The following LARGE1 variants were observed in gnomAD, a reference collection of about 807,000 sequenced individuals.
LARGE1 encodes the protein xylosyl- and glucuronyltransferase LARGE1.
A neutral mutation model predicts 87.6 loss-of-function variants in LARGE1; 43 were observed. The observed-to-expected ratio is 0.49, with a 90% CI of 0.38 to 0.63. The LOEUF is 0.63. Among genes scored for constraint, LARGE1 ranks in the 30% least tolerant of loss-of-function variants. The pLI, the probability that LARGE1 is intolerant of heterozygous loss-of-function variation, is 0.00. For missense variants in LARGE1, 802 were observed against 1,000.2 expected, an observed-to-expected ratio of 0.80 and a Z score of 2.67; for synonymous variants, 434 against 394.6, an observed-to-expected ratio of 1.10 and a Z score of -1.18.
chr22:33,851,173 T>TG (rs2063572884), intron 1 of LARGE1, among the ~76,000 whole-genome samples: 1 of 152,254 alleles, frequency 6.6e-6, no homozygotes, highest in South Asian at 2.1e-4. Flanking sequence ...GAGAGATTAC[T>TG]GACCCTGTTT....
chr22:33,912,479 C>T (rs1313251286), intron 1 of LARGE1, among the ~76,000 whole-genome samples: 2 of 152,152 alleles, frequency 1.3e-5, no homozygotes, highest in African/African-American at 4.8e-5. Context: ...CCTTTCTTCC[C>T]AATTGGCCTT....
At chr22:33,488,091 AAAGGACTTG>A (rs2069666491) in intron 6 of LARGE1, among the ~76,000 whole-genome samples, 1 of 152,206 alleles carries the variant, frequency 6.6e-6, no homozygotes, top group Non-Finnish European at 1.5e-5. Flanking sequence ...GCTGGTGCCC[AAAGGACTTG>A]GTGAAATTTC....
chr22:33,504,581 CT>C lies in LARGE1; in HGVS notation c.787+60266del, dbSNP rs535083744. The stretch of plus-strand genomic sequence containing the variant: ...ATATCTTTTTTAAAAAGGATATTGA[CT>C]AAAAGTTCAGACATTAGAGACTGGC... On this transcript the variant is annotated intron_variant, in intron 6 of 14. Coordinates refer to ENST00000397394, the MANE Select transcript of LARGE1 (RefSeq NM_133642.5). Among the ~76,000 whole-genome samples the C allele has an allele frequency of 1.1e-4, 16 of 152,254 alleles. No individual in the cohort carries two copies. In the East Asian group the frequency reaches 3.1e-3, roughly 29 times the overall value.
intron 7 of LARGE1, among the ~76,000 whole-genome samples, chr22:33,397,733 C>T (rs577128710): frequency 6.6e-6 from 1 of 152,236 alleles, no homozygotes; most frequent in South Asian, 2.1e-4. Flanking sequence ...TGCATGTGCT[C>T]AGGTTAAGTA....
At chr22:33,581,217 G>A (rs1233335197) in intron 5 of LARGE1, among the ~76,000 whole-genome samples, 1 of 152,120 alleles carries the variant, frequency 6.6e-6, no homozygotes, top group Non-Finnish European at 1.5e-5. Flanking sequence ...TGCCCCTTCT[G>A]ACCTTCAGGA....
the LARGE1 span, among the ~76,000 whole-genome samples, chr22:33,082,869 C>T: frequency 6.6e-6 from 1 of 151,822 alleles, no homozygotes; most frequent in Non-Finnish European, 1.5e-5. Context: ...ACTAAAAATA[C>T]AAAAAATTAG....
chr22:33,279,258 A>C (rs541947297), intron 13 of LARGE1, among the ~76,000 whole-genome samples: 1 of 152,164 alleles, frequency 6.6e-6, no homozygotes, highest in Non-Finnish European at 1.5e-5. Flanking sequence ...GAGTATCCAG[A>C]GCTGGAAAGA....
At chr22:33,182,281 T>A (rs1923213663) in intron 11 of LARGE1, among the ~76,000 whole-genome samples, 1 of 152,228 alleles carries the variant, frequency 6.6e-6, no homozygotes, top group African/African-American at 2.4e-5. Context: ...ACAGCATAAG[T>A]GACCAGCTGC....
intron 4 of LARGE1, among the ~76,000 whole-genome samples, chr22:33,617,187 T>C (rs759061847): frequency 1.3e-5 from 2 of 152,220 alleles, no homozygotes; most frequent in Non-Finnish European, 2.9e-5. Context: ...GTGAGAGCTC[T>C]ATTTGTGGCC....
chr22:33,897,351 G>C (rs888826116), intron 1 of LARGE1, among the ~76,000 whole-genome samples: 5 of 152,126 alleles, frequency 3.3e-5, no homozygotes, highest in African/African-American at 4.8e-5. Flanking sequence ...AACTCTCATT[G>C]GTGGTCTACA....
At chr22:33,809,755 T>G (rs2086432988) in intron 1 of LARGE1, among the ~76,000 whole-genome samples, 1 of 152,146 alleles carries the variant, frequency 6.6e-6, no homozygotes, top group Non-Finnish European at 1.5e-5. Context: ...AATGAGATAT[T>G]TTATAGTTTT....
chr22:33,221,285 C>T (rs1925446110), intron 11 of LARGE1, among the ~76,000 whole-genome samples: 3 of 152,112 alleles, frequency 2.0e-5, no homozygotes, highest in Admixed American at 2.0e-4. Flanking sequence ...CAATTACAAA[C>T]ATCGAGGGGA....
At chr22:33,148,344 A>G in the LARGE1 span, among the ~76,000 whole-genome samples, 1 of 152,234 alleles carries the variant, frequency 6.6e-6, no homozygotes, top group African/African-American at 2.4e-5. Flanking sequence ...GTGATCTATT[A>G]CTATTGGATT....
At chr22:33,917,578 G>C (rs191246177) in intron 1 of LARGE1, among the ~76,000 whole-genome samples, 3 of 152,186 alleles carry the variant, frequency 2.0e-5, no homozygotes, top group Non-Finnish European at 2.9e-5. Flanking sequence ...GGAATATGCA[G>C]TCAAAAACCA....
At chr22:33,111,918 G>C in the LARGE1 span, among the ~76,000 whole-genome samples, 1 of 152,198 alleles carries the variant, frequency 6.6e-6, no homozygotes, top group Non-Finnish European at 1.5e-5. Flanking sequence ...TGTTACAACT[G>C]AGGGAACAGA....
chr22:33,704,537 T>C lies in LARGE1; in HGVS notation c.107-53869A>G, dbSNP rs201679835. Among the ~76,000 whole-genome samples, 1,158 of 152,232 alleles carry C rather than the reference T, an allele frequency of 7.6e-3. 10 individuals are homozygous for C. The highest frequency in any genetic ancestry group is 0.011 in the Non-Finnish European group (715 of 68,006). On this transcript the variant is annotated intron_variant, in intron 2 of 14. Coordinates refer to ENST00000397394, the MANE Select transcript of LARGE1 (RefSeq NM_133642.5). ...AGTACCCTCATCTGCCGGGAGCCTCTCGCAACTGAGCCTGATTCCCTGAGC... is the reference window on the plus strand; with the variant it reads ...AGTACCCTCATCTGCCGGGAGCCTCCCGCAACTGAGCCTGATTCCCTGAGC...
At chr22:33,641,415 A>G (rs1187711047) in intron 3 of LARGE1, among the ~76,000 whole-genome samples, 1 of 152,240 alleles carries the variant, frequency 6.6e-6, no homozygotes, top group African/African-American at 2.4e-5. Flanking sequence ...AAATCTACGA[A>G]GATGAAGAAA....
At chr22:33,404,615 T>G (rs2066032962) in intron 7 of LARGE1, among the ~76,000 whole-genome samples, 1 of 152,192 alleles carries the variant, frequency 6.6e-6, no homozygotes, top group Non-Finnish European at 1.5e-5. Flanking sequence ...TCCTAGAAAT[T>G]GGATTAGCGA....
intron 2 of LARGE1, among the ~76,000 whole-genome samples, chr22:33,651,061 G>A (rs2080787682): frequency 6.6e-6 from 1 of 151,450 alleles, no homozygotes; most frequent in African/African-American, 2.4e-5. Context: ...AAGTGGAGGG[G>A]AGCAAGAGGA....
Sources: allele counts gnomAD v4.1 joint callset (sites outside exome capture counted in the v4.1 genomes callset), GRCh38; gene constraint gnomAD v4.1.1; transcripts MANE v1.5; gene names NCBI Gene and HGNC (gene_info 2026-07-23, HGNC 2026-07-21).